The following BEST1 variants were observed in gnomAD, a reference collection of about 807,000 sequenced individuals.
BEST1 encodes bestrophin-1.
A neutral mutation model predicts 63.3 loss-of-function variants in BEST1; 58 were observed. The ratio of observed to expected loss-of-function variants is 0.92; its 90% CI spans 0.74 to 1.14. BEST1 has a LOEUF of 1.14. Among genes scored for constraint, BEST1 ranks in the 50% most tolerant of loss-of-function variants. BEST1 has a pLI of 0.00. For missense variants in BEST1, 671 were observed against 740.1 expected, an observed-to-expected ratio of 0.91 and a Z score of 1.08; for synonymous variants, 283 against 291.6, an observed-to-expected ratio of 0.97 and a Z score of 0.30.
intron 10 of BEST1, chr11:61,963,686 G>A: frequency 9.2e-7 from 1 of 1,082,166 alleles, no homozygotes; most frequent in Non-Finnish European, 1.1e-6. Context: ...TTGCTTCTAG[G>A]GCTAGACAGG....
chr11:61,964,158 C>G lies in BEST1; in HGVS notation c.*36C>G, dbSNP rs746655230. ...AATGGGGATGCTTCGCCAGCCAGGT[C>G]CTCACCTGTGTGTACACCAGCAGGA... On this transcript the variant is annotated 3_prime_UTR_variant, in exon 11 of 11. Coordinates refer to ENST00000378043, the MANE Select transcript of BEST1 (RefSeq NM_004183.4). 8 of 1,613,638 alleles carry G rather than the reference C, an allele frequency of 5.0e-6. No homozygotes were observed. The South Asian group carries it at 8.8e-5, about 18-fold the overall frequency.
intron 4 of BEST1, 43 bp downstream of exon 4, chr11:61,955,994 G>T: frequency 6.6e-7 from 1 of 1,523,108 alleles, no homozygotes. Flanking sequence ...GGCAGAGCCA[G>T]GGGCCGAGAT....
At chr11:61,959,368 C>A in intron 7 of BEST1, 130 bp from the exon 8 acceptor site, 1 of 871,430 alleles carries the variant, frequency 1.1e-6, no homozygotes, top group Non-Finnish European at 1.9e-6. Flanking sequence ...CTAAACTCTG[C>A]CTTTGAAGAC....
intron 3 of BEST1, chr11:61,955,468 G>A: frequency 1.6e-6 from 2 of 1,271,366 alleles, no homozygotes; most frequent in Non-Finnish European, 2.1e-6. Context: ...GCCCCTGCGC[G>A]GGAGGGGAGG....
intron 1 of BEST1, among the ~76,000 whole-genome samples, chr11:61,950,904 A>T (rs556636182): frequency 1.3e-5 from 2 of 152,252 alleles, no homozygotes; most frequent in South Asian, 4.1e-4. Flanking sequence ...GTGGGAAGGA[A>T]CCATGCAGGT....
At chr11:61,955,578 C>T (rs1941221614) in intron 3 of BEST1, 140 bp from the exon 4 acceptor site, 4 of 1,084,388 alleles carry the variant, frequency 3.7e-6, no homozygotes, top group Non-Finnish European at 5.2e-6. Flanking sequence ...CTCTCGCTCC[C>T]GAGCGCCTTC....
In BEST1 at chr11:61,962,538, C is replaced by T; in HGVS notation, c.1384C>T (p.Pro462Ser). 1 of 1,614,160 alleles carries T rather than the reference C, an allele frequency of 6.2e-7. No individual in the cohort carries two copies. Among genetic ancestry groups the T allele is most frequent in the Non-Finnish European group, 8.5e-7 (1 of 1,180,030 alleles). The change falls in exon 10 of 11, where the codon CCA becomes TCA. Residue 462 changes from proline to serine, a missense_variant. By Grantham distance (74) the Pro-to-Ser change is moderately conservative (BLOSUM62 -1). Coordinates refer to ENST00000378043, the MANE Select transcript of BEST1 (RefSeq NM_004183.4). Reference sequence around the variant, plus strand: ...CAAGTCTGCCCCACTGTATCAGAGGCCAGGCTACTACAGTGCCCCACAGAC... The same window carrying T: ...CAAGTCTGCCCCACTGTATCAGAGGTCAGGCTACTACAGTGCCCCACAGAC... The part of the protein sequence containing the change: ...AFKSAPLYQR[P>S]GYYSAPQTPL...
rs774844614 is a variant in BEST1, at chr11:61,951,783, C to A, written c.-24C>A. ...CCCTCTCTACCAGGACCCAAGCCCA[C>A]CTGCTGCAGCCCACTGCCTGGCCAT... is the stretch of plus-strand genomic sequence containing the variant. On this transcript the variant is annotated 5_prime_UTR_variant, in exon 2 of 11. Coordinates refer to ENST00000378043, the MANE Select transcript of BEST1 (RefSeq NM_004183.4). The A allele has an allele frequency of 1.2e-6, 2 of 1,610,602 alleles. No individual in the cohort carries two copies. Among genetic ancestry groups the A allele is most frequent in the Admixed American group, 1.7e-5 (1 of 60,018 alleles).
At chr11:61,957,365 A>T in intron 5 of BEST1, 22 bp from the exon 6 acceptor site, 1 of 1,517,118 alleles carries the variant, frequency 6.6e-7, no homozygotes, top group Non-Finnish European at 9.2e-7. Flanking sequence ...TCAGAACCCC[A>T]TCCCCCTCTT....
chr11:61,965,094 A>G, downstream of BEST1: 1 of 1,605,738 alleles, frequency 6.2e-7, no homozygotes, highest in East Asian at 2.2e-5. Context: ...CCGCTCTCCC[A>G]GTCATCACAG....
chr11:61,963,054 A>T, intron 10 of BEST1, 161 bp downstream of exon 10: 1 of 1,509,216 alleles, frequency 6.6e-7, no homozygotes, highest in Non-Finnish European at 8.9e-7. Flanking sequence ...ATACTTGGCC[A>T]CCTTCACAGG....
Position 61,964,300 on chromosome 11 carries a change from C to G in BEST1, c.*178C>G. The G allele has an allele frequency of 8.3e-7, 1 of 1,210,260 alleles. No homozygotes were observed. The highest frequency in any genetic ancestry group is 1.1e-6 in the Non-Finnish European group (1 of 879,674). The allele number at this position is 1,210,260 out of a possible 1,614,324, so 75.0% of individuals were successfully genotyped here. A position where few individuals can be genotyped will look rare whatever the true frequency, so the allele number is the denominator to read the frequency against. On this transcript the variant is annotated 3_prime_UTR_variant, in exon 11 of 11. Transcript: ENST00000378043. Reference sequence around the variant, plus strand: ...CCCAGACTACTTCAGCCTTTAATGCCTTTTATTCATAAAAACTGTGAAAGC... The same window carrying G: ...CCCAGACTACTTCAGCCTTTAATGCGTTTTATTCATAAAAACTGTGAAAGC...
chr11:61,959,935 G>A lies in BEST1; in HGVS notation c.992G>A (p.Arg331Gln), dbSNP rs201386186. 4.1e-5 allele frequency: 66 copies of A among 1,613,310 alleles called. No homozygotes were observed. In the East Asian group the frequency reaches 4.7e-4, roughly 11 times the overall value. Residue 331 changes from arginine (R) to glutamine (Q), a missense_variant, in exon 9 of 11, where the codon CGG becomes CAG. By Grantham distance (43) the Arg-to-Gln change is conservative. Coordinates refer to ENST00000378043, the MANE Select transcript of BEST1 (RefSeq NM_004183.4). ...AVDEMHQDLP[R>Q]MEPDMYWNKP... ...GATGAGATGCACCAGGACCTGCCTCGGATGGAGCCGGACATGTACTGGAAT... is the reference window on the plus strand; with the variant it reads ...GATGAGATGCACCAGGACCTGCCTCAGATGGAGCCGGACATGTACTGGAAT...
At position 61,962,320 on chromosome 11, in the gene BEST1, T is replaced by C. The variant is rs1180691346; in HGVS notation, c.1166T>C (p.Ile389Thr). 2 of 1,614,024 alleles carry C rather than the reference T, an allele frequency of 1.2e-6. No individual in the cohort carries two copies. Among genetic ancestry groups the C allele is most frequent in the African/African-American group, 2.7e-5 (2 of 74,890 alleles). The change falls in exon 10 of 11, where the codon ATC (isoleucine) becomes ACC (threonine). Residue 389 changes from isoleucine (I) to threonine (T), a missense_variant. Coordinates refer to ENST00000378043, the MANE Select transcript of BEST1 (RefSeq NM_004183.4). The stretch of plus-strand genomic sequence containing the variant: ...GACGAGGAGGATGCTCACGCTGGCA[T>C]CATTGGCCGCTTCCTAGGCCTGCAG... ...QEDEEDAHAG[I>T]IGRFLGLQSH...
downstream of BEST1, chr11:61,965,186 C>A (rs150299199): frequency 7.3e-4 from 1,174 of 1,600,342 alleles, 1 homozygote; most frequent in Non-Finnish European, 7.5e-4. Context: ...CTAACCACCA[C>A]GTTTTGGCAA....
intron 10 of BEST1, 77 bp downstream of exon 10, chr11:61,962,970 T>C: frequency 6.2e-7 from 1 of 1,612,278 alleles, no homozygotes; most frequent in African/African-American, 1.3e-5. Flanking sequence ...GAGCCTACCC[T>C]TCCTCCACAA....
In BEST1 at chr11:61,963,302, A is replaced by C. The variant is rs1451897574; in HGVS notation, c.1739+409A>C. The C allele has an allele frequency of 2.9e-6, 4 of 1,360,196 alleles. No individual in the cohort carries two copies. In the East Asian group the frequency reaches 1.0e-4, roughly 35 times the overall value. 84.3% of individuals were successfully genotyped at this position (1,360,196 alleles called of 1,614,324 possible). ...GCAGTCAGCTGGATGACAGATGAAC[A>C]CTTCCCCCATAACTATTTAGGGTAG... is the stretch of plus-strand genomic sequence containing the variant. On this transcript the variant is annotated intron_variant, in intron 10 of 10. Coordinates refer to ENST00000378043, the MANE Select transcript of BEST1 (RefSeq NM_004183.4).
chr11:61,952,587 C>G (rs1472742349), intron 2 of BEST1, among the ~76,000 whole-genome samples: 1 of 150,854 alleles, frequency 6.6e-6, no homozygotes, highest in Admixed American at 6.6e-5. Context: ...CTGCCTTAGC[C>G]TCCTGAGTAG....
Position 61,959,974 on chromosome 11 carries a change from AG to A in BEST1, c.1032del (p.Gln344HisfsTer25). The A allele has an allele frequency of 1.2e-6, 2 of 1,612,486 alleles. No individual in the cohort carries two copies. The highest frequency in any genetic ancestry group is 1.7e-6 in the Non-Finnish European group (2 of 1,179,426). On this transcript the variant is annotated frameshift_variant, in exon 9 of 11. Transcript: ENST00000378043. LOFTEE classifies it high-confidence loss of function. Reference protein sequence around the residue: ...PDMYWNKPEPQPPYTAASAQF... With the variant: ...PDMYWNKPEPXPPYTAASAQF... Reference sequence around the variant, plus strand: ...ATGTACTGGAATAAGCCCGAGCCACAGCCCCCCTACACAGCTGCTTCCGCCC... The same window carrying A: ...ATGTACTGGAATAAGCCCGAGCCACACCCCCCTACACAGCTGCTTCCGCCC...
Sources: allele counts gnomAD v4.1 joint callset (sites outside exome capture counted in the v4.1 genomes callset), GRCh38; gene constraint gnomAD v4.1.1; transcripts MANE v1.5; gene names NCBI Gene and HGNC (gene_info 2026-07-23, HGNC 2026-07-21).